The following WNT7A variants were observed in gnomAD, a reference collection of about 807,000 sequenced individuals.
WNT7A encodes the protein Wnt family member 7A.
In WNT7A, 16 loss-of-function variants were observed where a neutral mutation model predicts 28.2. That is an observed-to-expected ratio of 0.57 (90% CI 0.38 to 0.86). WNT7A has a LOEUF of 0.86. Among genes scored for constraint, WNT7A ranks in the 40% least tolerant of loss-of-function variants. WNT7A has a pLI of 0.00. For missense variants in WNT7A, 411 were observed against 489.7 expected, an observed-to-expected ratio of 0.84 and a Z score of 1.52; for synonymous variants, 190 against 195.9, an observed-to-expected ratio of 0.97 and a Z score of 0.25.
intron 3 of WNT7A, among the ~76,000 whole-genome samples, chr3:13,854,202 GAGGGAGAGAGGCAGGAAGGGAGCA>G (rs1003768995): frequency 6.6e-6 from 1 of 152,116 alleles, no homozygotes; most frequent in African/African-American, 2.4e-5. Flanking sequence ...GAGAAAAAAG[GAGGGAGAGAGGCAGGAAGGGAGCA>G]AGGGAGAAAG....
chr3:13,849,042 A>G (rs538645183), intron 3 of WNT7A, among the ~76,000 whole-genome samples: 12 of 152,332 alleles, frequency 7.9e-5, no homozygotes, highest in Non-Finnish European at 1.3e-4. Context: ...AAAATAATGA[A>G]AGTATACAAG....
chr3:13,818,872 C>T lies in WNT7A; in HGVS notation c.*72G>A, dbSNP rs1297649350. On this transcript the variant is annotated 3_prime_UTR_variant, in exon 4 of 4. Coordinates refer to ENST00000285018, the MANE Select transcript of WNT7A (RefSeq NM_004625.4). The stretch of plus-strand genomic sequence containing the variant: ...ACAAGCTCAGCATCCTGCCAGGGAG[C>T]CCGCAGCTTGGAAACGGTCCAGTCC... 16 of 1,506,068 alleles carry T rather than the reference C, an allele frequency of 1.1e-5. No homozygotes were observed. The Admixed American group carries it at 3.0e-4, about 28-fold the overall frequency. 93.3% of individuals were successfully genotyped at this position (1,506,068 alleles called of 1,614,324 possible).
intron 2 of WNT7A, among the ~76,000 whole-genome samples, chr3:13,868,487 CGAAA>C (rs1553576646): frequency 1.8e-4 from 20 of 109,608 alleles, no homozygotes; most frequent in African/African-American, 5.7e-4. Context: ...AAGGAAAGAA[CGAAA>C]GAAAGAAAGA....
Position 13,829,877 on chromosome 3 carries a change from G to A in WNT7A, c.571-10454C>T, listed in dbSNP as rs374839538. On this transcript the variant is annotated intron_variant, in intron 3 of 3. Transcript: ENST00000285018. ...ATTAGGAGTTCCTGGGAGCCCTGCTGTTGAAGCCCCAGCCCTTCATCCTTT... is the reference window on the plus strand; with the variant it reads ...ATTAGGAGTTCCTGGGAGCCCTGCTATTGAAGCCCCAGCCCTTCATCCTTT... 5.9e-5 allele frequency among the ~76,000 whole-genome samples: 9 copies of A among 152,120 alleles called. No homozygotes were observed. In the South Asian group the frequency reaches 6.2e-4, roughly 11 times the overall value.
intron 3 of WNT7A, among the ~76,000 whole-genome samples, chr3:13,836,195 GT>G (rs377560699): frequency 0.01 from 1,273 of 126,022 alleles, 20 homozygotes; most frequent in African/African-American, 0.033. Flanking sequence ...AGTAAAGCTG[GT>G]TTTTAAAAAA....
At chr3:13,877,320 G>A (rs1695124602) in intron 1 of WNT7A, 1 of 152,298 alleles carries the variant, frequency 6.6e-6, no homozygotes, top group South Asian at 2.1e-4. Context: ...CAGCTAGCAG[G>A]TGTTGGAGGT....
chr3:13,842,219 C>T (rs1172410445), intron 3 of WNT7A, among the ~76,000 whole-genome samples: 1 of 152,148 alleles, frequency 6.6e-6, no homozygotes, highest in Non-Finnish European at 1.5e-5. Flanking sequence ...AGTTAGTAGG[C>T]TGGTGTGTTC....
intron 2 of WNT7A, among the ~76,000 whole-genome samples, chr3:13,871,717 TC>T (rs1695027687): frequency 6.6e-6 from 1 of 152,020 alleles, no homozygotes; most frequent in Non-Finnish European, 1.5e-5. Context: ...ATCACCTCCT[TC>T]CTGGAAGACT....
chr3:13,860,882 C>A (rs1046240813), intron 2 of WNT7A, among the ~76,000 whole-genome samples: 1 of 152,162 alleles, frequency 6.6e-6, no homozygotes, highest in African/African-American at 2.4e-5. Context: ...GATCATATGT[C>A]CAATGACATA....
chr3:13,863,624 C>T (rs1018422439), intron 2 of WNT7A: 1 of 152,112 alleles, frequency 6.6e-6, no homozygotes, highest in Non-Finnish European at 1.5e-5. Context: ...ACAAAAAGTC[C>T]TTTGTTAGCT....
chr3:13,860,023 C>T (rs1694802691), intron 2 of WNT7A, among the ~76,000 whole-genome samples: 1 of 151,950 alleles, frequency 6.6e-6, no homozygotes, highest in Non-Finnish European at 1.5e-5. Flanking sequence ...AAGACTGCCC[C>T]AAGGCATGAG....
At chr3:13,865,151 T>G (rs1694891450) in intron 2 of WNT7A, among the ~76,000 whole-genome samples, 1 of 152,170 alleles carries the variant, frequency 6.6e-6, no homozygotes, top group African/African-American at 2.4e-5. Context: ...AGTCCAAGGA[T>G]GGAAATGAGT....
At chr3:13,843,746 CTTT>C (rs112080494) in intron 3 of WNT7A, among the ~76,000 whole-genome samples, 5 of 145,802 alleles carry the variant, frequency 3.4e-5, no homozygotes, top group African/African-American at 1.0e-4. Context: ...ATGTTGGAAT[CTTT>C]TTTTTTTTTT....
intron 3 of WNT7A, among the ~76,000 whole-genome samples, chr3:13,828,191 A>G (rs535829520): frequency 4.6e-5 from 7 of 152,320 alleles, no homozygotes; most frequent in African/African-American, 7.2e-5. Flanking sequence ...CACACAGAAG[A>G]CAAGAGCTGT....
rs555671516 is a variant in WNT7A at position 13,875,201 on chromosome 3, G to A, written c.72-28C>T. On this transcript the variant is annotated intron_variant, in intron 1 of 3. Coordinates refer to ENST00000285018, the MANE Select transcript of WNT7A (RefSeq NM_004625.4). ...GGAGGGAGAGACACAGAGAGATGGA[G>A]CATTAGGCCAGCAAGGGGGCATGGC... The A allele has an allele frequency of 2.2e-4, 356 of 1,612,122 alleles. 4 individuals carry two copies. In the South Asian group the frequency reaches 3.6e-3, roughly 16 times the overall value.
intron 2 of WNT7A, among the ~76,000 whole-genome samples, chr3:13,863,474 C>T (rs772524982): frequency 1.8e-4 from 28 of 152,172 alleles, no homozygotes; most frequent in Non-Finnish European, 3.4e-4. Flanking sequence ...TGCATGCGCA[C>T]GCACGCCTGC....
In WNT7A at chr3:13,875,185, GAC is replaced by G. The variant is rs1210047797; in HGVS notation, c.72-14_72-13del. The G allele has an allele frequency of 6.2e-7, 1 of 1,613,722 alleles. No individual in the cohort carries two copies. The highest frequency in any genetic ancestry group is 1.7e-5 in the Admixed American group (1 of 60,036). On this transcript the variant is annotated splice_polypyrimidine_tract_variant and intron_variant, in intron 1 of 3. Transcript: ENST00000285018. Reference sequence around the variant, plus strand: ...CTGAGGAGAAGCCACTGGAGGGAGAGACACAGAGAGATGGAGCATTAGGCCAG... The same window carrying G: ...CTGAGGAGAAGCCACTGGAGGGAGAGACAGAGAGATGGAGCATTAGGCCAG...
At chr3:13,868,608 AAGAGAGAG>A (rs370756818) in intron 2 of WNT7A, among the ~76,000 whole-genome samples, 1 of 10,956 alleles carries the variant, frequency 9.1e-5, no homozygotes, top group Admixed American at 8.4e-4. Flanking sequence ...GAAAGAAAGA[AAGAGAGAG>A]AGAGAGAAAG....
At chr3:13,845,831 C>A (rs1233547041) in intron 3 of WNT7A, among the ~76,000 whole-genome samples, 2 of 152,240 alleles carry the variant, frequency 1.3e-5, no homozygotes, top group Non-Finnish European at 2.9e-5. Context: ...CTCTGAGAGA[C>A]ACCGAGGCGA....
Sources: allele counts gnomAD v4.1 joint callset (sites outside exome capture counted in the v4.1 genomes callset), GRCh38; gene constraint gnomAD v4.1.1; transcripts MANE v1.5; gene names NCBI Gene and HGNC (gene_info 2026-07-23, HGNC 2026-07-21).